ZNF407: variants seen among roughly 807,000 people sequenced by gnomAD.
ZNF407 encodes zinc finger protein 407.
ZNF407 carries 17 observed loss-of-function variants against 131.2 expected under a neutral mutation model. The ratio of observed to expected loss-of-function variants is 0.13; its 90% CI spans 0.09 to 0.19. ZNF407 has a LOEUF of 0.19. Among genes scored for constraint, ZNF407 ranks in the 10% least tolerant of loss-of-function variants. The pLI is 1.00. For missense variants in ZNF407, 2,681 were observed against 2,830.6 expected, an observed-to-expected ratio of 0.95 and a Z score of 1.20; for synonymous variants, 1,156 against 1,062.0, an observed-to-expected ratio of 1.09 and a Z score of -1.72.
chr18:75,027,057 G>C (rs1279929736), intron 8 of ZNF407, among the ~76,000 whole-genome samples: 1 of 152,248 alleles, frequency 6.6e-6, no homozygotes, highest in Non-Finnish European at 1.5e-5. Flanking sequence ...GCGATGGAGA[G>C]TCACAGACAC....
chr18:74,698,311 C>T (rs8094967), intron 3 of ZNF407, among the ~76,000 whole-genome samples: 102,183 of 152,046 alleles, frequency 0.67, 35,748 homozygotes, highest in East Asian at 0.85. Context: ...TTTAAGTGTA[C>T]ATTTTATTTT....
At chr18:75,037,501 C>G (rs1973322622) in intron 8 of ZNF407, among the ~76,000 whole-genome samples, 1 of 151,878 alleles carries the variant, frequency 6.6e-6, no homozygotes, top group African/African-American at 2.4e-5. Flanking sequence ...GTGCTGCGGT[C>G]TTGTCTCGAT....
At chr18:74,625,717 C>A (rs1432758666) in intron 1 of ZNF407, among the ~76,000 whole-genome samples, 1 of 152,146 alleles carries the variant, frequency 6.6e-6, no homozygotes, top group Non-Finnish European at 1.5e-5. Flanking sequence ...CTCTCCTGGA[C>A]TATTTTAAAG....
At chr18:74,791,250 T>A (rs1969820359) in intron 4 of ZNF407, among the ~76,000 whole-genome samples, 1 of 152,220 alleles carries the variant, frequency 6.6e-6, no homozygotes, top group Admixed American at 6.5e-5. Flanking sequence ...TTGAATCATA[T>A]GAACTTGACA....
intron 4 of ZNF407, among the ~76,000 whole-genome samples, chr18:74,827,005 C>T (rs1019508610): frequency 6.6e-6 from 1 of 152,144 alleles, no homozygotes; most frequent in Non-Finnish European, 1.5e-5. Context: ...TTCCCCTGTC[C>T]CAGTAATCCC....
intron 8 of ZNF407, among the ~76,000 whole-genome samples, chr18:75,033,612 G>A (rs912215599): frequency 8.5e-5 from 13 of 152,252 alleles, no homozygotes; most frequent in Middle Eastern, 6.8e-3. Flanking sequence ...AGAATCCTGC[G>A]GTCATTTATT....
intron 3 of ZNF407, among the ~76,000 whole-genome samples, chr18:74,722,467 A>G (rs1206445732): frequency 5.3e-5 from 8 of 152,156 alleles, no homozygotes; most frequent in African/African-American, 1.9e-4. Flanking sequence ...GCTGTGTGTC[A>G]GGATTTCCTC....
intron 4 of ZNF407, among the ~76,000 whole-genome samples, chr18:74,840,890 C>G (rs1970622712): frequency 6.6e-6 from 1 of 152,230 alleles, no homozygotes; most frequent in African/African-American, 2.4e-5. Context: ...CTAACTCCGT[C>G]TTCCCTCATG....
At chr18:74,627,978 G>A (rs1042865047) in intron 1 of ZNF407, among the ~76,000 whole-genome samples, 4 of 151,818 alleles carry the variant, frequency 2.6e-5, no homozygotes, top group Admixed American at 6.6e-5. Context: ...AGGCTCAAGC[G>A]ATTTTCCCAC....
At chr18:74,982,262 GC>G (rs1972601654) in intron 8 of ZNF407, among the ~76,000 whole-genome samples, 1 of 152,158 alleles carries the variant, frequency 6.6e-6, no homozygotes, top group African/African-American at 2.4e-5. Flanking sequence ...TTTCTACACA[GC>G]GTCCTATTGA....
chr18:74,847,852 CAA>C (rs796557554), intron 4 of ZNF407, among the ~76,000 whole-genome samples: 2 of 123,126 alleles, frequency 1.6e-5, no homozygotes. Context: ...AGGTAAAATA[CAA>C]AAAAAAAAAA....
chr18:74,804,226 C>A, intron 4 of ZNF407: 1 of 1,242,564 alleles, frequency 8.0e-7, no homozygotes, highest in South Asian at 3.5e-5. Flanking sequence ...GTAGGCTAGT[C>A]TAGTGATTTT....
intron 8 of ZNF407, among the ~76,000 whole-genome samples, chr18:74,991,513 C>G (rs1281662804): frequency 6.6e-6 from 1 of 152,182 alleles, no homozygotes; most frequent in Non-Finnish European, 1.5e-5. Flanking sequence ...GGCAATTTTT[C>G]TATTTAAAAT....
intron 1 of ZNF407, among the ~76,000 whole-genome samples, chr18:74,615,855 G>T (rs1054982482): frequency 1.3e-5 from 2 of 152,070 alleles, no homozygotes; most frequent in Middle Eastern, 3.4e-3. Context: ...AATGGGGAAA[G>T]AACTGTTGTT....
Position 75,065,314 on chromosome 18 carries a change from G to T in ZNF407, c.*846G>T, listed in dbSNP as rs1235923432. 1 of 152,186 alleles carries T rather than the reference G, an allele frequency of 6.6e-6. No individual in the cohort carries two copies. Among genetic ancestry groups the T allele is most frequent in the Non-Finnish European group, 1.5e-5 (1 of 68,030 alleles). 9.4% of individuals were successfully genotyped at this position (152,186 alleles called of 1,614,324 possible). A position where few individuals can be genotyped will look rare whatever the true frequency, so the allele number is the denominator to read the frequency against. On this transcript the variant is annotated 3_prime_UTR_variant, in exon 9 of 9. Coordinates refer to ENST00000299687, the MANE Select transcript of ZNF407 (RefSeq NM_017757.3). Reference sequence around the variant, plus strand: ...CAATATTTTGCTTTTTATAACAAGGGTTTGTTCATATTGATGCCATTTTTG... The same window carrying T: ...CAATATTTTGCTTTTTATAACAAGGTTTTGTTCATATTGATGCCATTTTTG...
At chr18:74,770,500 CAAGAATAA>C (rs1969338709) in intron 3 of ZNF407, among the ~76,000 whole-genome samples, 1 of 151,934 alleles carries the variant, frequency 6.6e-6, no homozygotes, top group Non-Finnish European at 1.5e-5. Flanking sequence ...CGAAAAAAAA[CAAGAATAA>C]AATAACCTTA....
At chr18:74,722,865 A>G (rs1039528948) in intron 3 of ZNF407, among the ~76,000 whole-genome samples, 1 of 152,104 alleles carries the variant, frequency 6.6e-6, no homozygotes, top group Non-Finnish European at 1.5e-5. Context: ...TCAGTGAGCC[A>G]TTACCTCTCC....
intron 8 of ZNF407, among the ~76,000 whole-genome samples, chr18:74,997,004 T>C (rs1972787190): frequency 6.6e-6 from 1 of 152,242 alleles, no homozygotes; most frequent in Non-Finnish European, 1.5e-5. Flanking sequence ...GAGATTGTTA[T>C]TTTGTGTTAC....
At chr18:74,704,223 G>A (rs772326119) in intron 3 of ZNF407, among the ~76,000 whole-genome samples, 11 of 152,252 alleles carry the variant, frequency 7.2e-5, no homozygotes, top group Admixed American at 3.3e-4. Context: ...CCAGGCCATC[G>A]CTGCGCTTCG....
Sources: gnomAD v4.1 joint callset for allele counts (sites outside exome capture counted in the v4.1 genomes callset) on GRCh38, gnomAD v4.1.1 for gene constraint, MANE v1.5 for transcripts, NCBI Gene and HGNC (gene_info 2026-07-23, HGNC 2026-07-21) for gene names.